Variants in FMN1 observed in about 807,000 individuals in gnomAD.
FMN1 encodes the protein formin 1, also known as formin-1.
A neutral mutation model predicts 132.4 loss-of-function variants in FMN1; 110 were observed. That is an observed-to-expected ratio of 0.83 (90% CI 0.71 to 0.97). The LOEUF (loss-of-function observed/expected upper bound fraction) is 0.97, where lower values mean the gene tolerates loss of function less well. Among genes scored for constraint, FMN1 ranks in the 50% least tolerant of loss-of-function variants. FMN1 has a pLI of 0.00. For missense variants in FMN1, 1,792 were observed against 1,705.3 expected, an observed-to-expected ratio of 1.05 and a Z score of -0.90; for synonymous variants, 722 against 651.7, an observed-to-expected ratio of 1.11 and a Z score of -1.64.
chr15:32,798,790 T>C lies in FMN1; in HGVS notation c.4130+14A>G. 6.2e-7 allele frequency: 1 copy of C among 1,605,552 alleles called. No homozygotes were observed. Among genetic ancestry groups the C allele is most frequent in the Non-Finnish European group, 8.5e-7 (1 of 1,175,774 alleles). ...CTCCTGAAGGAGGCATTAAAATCTT[T>C]TTTTGAACCTTACCTTTCTTTAGAT... On this transcript the variant is annotated intron_variant, in intron 19 of 20. Coordinates refer to ENST00000616417, the MANE Select transcript of FMN1 (RefSeq NM_001277313.2).
chr15:33,088,464 T>C (rs2038785219), intron 5 of FMN1, among the ~76,000 whole-genome samples: 1 of 152,174 alleles, frequency 6.6e-6, no homozygotes, highest in Non-Finnish European at 1.5e-5. Context: ...TATTGACAAA[T>C]TTTTAGTAAA....
At chr15:33,077,884 A>G (rs2038284832) in intron 5 of FMN1, among the ~76,000 whole-genome samples, 1 of 152,222 alleles carries the variant, frequency 6.6e-6, no homozygotes, top group Non-Finnish European at 1.5e-5. Flanking sequence ...GACACATGAA[A>G]AAATGCTCAT....
At chr15:33,043,180 C>CA (rs1370083551) in intron 6 of FMN1, among the ~76,000 whole-genome samples, 37 of 152,282 alleles carry the variant, frequency 2.4e-4, no homozygotes, top group African/African-American at 7.5e-4. Context: ...CCATGGTGCC[C>CA]AATCACAGGA....
chr15:33,052,307 A>C (rs2141182489), intron 6 of FMN1, among the ~76,000 whole-genome samples: 1 of 152,332 alleles, frequency 6.6e-6, no homozygotes, highest in South Asian at 2.1e-4. Context: ...GCCACTAAAA[A>C]TGGTTACTAG....
rs540210767 is a variant in FMN1, at chr15:32,804,668, ACCC to A, written c.3929-339_3929-337del. 7.1e-3 allele frequency among the ~76,000 whole-genome samples: 207 copies of A among 29,164 alleles called. 4 individuals are homozygous for A. In the East Asian group the frequency reaches 0.15, roughly 21 times the overall value. 19.1% of individuals were successfully genotyped at this position (29,164 alleles called of 152,430 possible). On this transcript the variant is annotated intron_variant, in intron 17 of 20. Coordinates refer to ENST00000616417, the MANE Select transcript of FMN1 (RefSeq NM_001277313.2). Reference sequence around the variant, plus strand: ...AATACTATCCCTCCCCCAGCCCCCCACCCCCCAACAGGCCCCAGTGTGTGATGT... The same window carrying A: ...AATACTATCCCTCCCCCAGCCCCCCACCCAACAGGCCCCAGTGTGTGATGT...
In FMN1 at chr15:33,151,894, T is replaced by C. The variant is rs570112058; in HGVS notation, c.1867+1154A>G. 5.3e-5 allele frequency among the ~76,000 whole-genome samples: 8 copies of C among 152,320 alleles called. No homozygotes were observed. In the South Asian group the frequency reaches 1.7e-3, roughly 32 times the overall value. The stretch of plus-strand genomic sequence containing the variant: ...ACAAGATTTATTGCAAAAAACAAGA[T>C]GAAAAGCATTTACCACATTTTTAAA... On this transcript the variant is annotated intron_variant, in intron 4 of 20. Coordinates refer to ENST00000616417, the MANE Select transcript of FMN1 (RefSeq NM_001277313.2).
At chr15:32,919,098 G>A (rs770961206) in intron 10 of FMN1, among the ~76,000 whole-genome samples, 7 of 152,178 alleles carry the variant, frequency 4.6e-5, no homozygotes, top group Non-Finnish European at 8.8e-5. Context: ...CACTTTTGGT[G>A]GATAAACTCT....
At chr15:33,044,505 C>A (rs2036586419) in intron 6 of FMN1, among the ~76,000 whole-genome samples, 1 of 152,222 alleles carries the variant, frequency 6.6e-6, no homozygotes, top group Non-Finnish European at 1.5e-5. Context: ...GGACAACCAT[C>A]TGTGGAGAGA....
chr15:32,859,309 C>T lies in FMN1; in HGVS notation c.3836-2202G>A, dbSNP rs534708308. On this transcript the variant is annotated intron_variant, in intron 16 of 20. Transcript: ENST00000616417. Reference sequence around the variant, plus strand: ...CACAAATTCAACTAAATTCAAACTTCGGGGACTTGGATTATTTAAGGCCTT... The same window carrying T: ...CACAAATTCAACTAAATTCAAACTTTGGGGACTTGGATTATTTAAGGCCTT... Among the ~76,000 whole-genome samples the T allele has an allele frequency of 7.2e-5, 11 of 152,260 alleles. No individual in the cohort carries two copies. The South Asian group carries it at 1.7e-3, about 23-fold the overall frequency.
intron 16 of FMN1, among the ~76,000 whole-genome samples, chr15:32,869,446 A>G (rs535491594): frequency 6.6e-6 from 1 of 152,316 alleles, no homozygotes; most frequent in Non-Finnish European, 1.5e-5. Flanking sequence ...GGGAGTCATG[A>G]GCAAGCTCGA....
intron 18 of FMN1, among the ~76,000 whole-genome samples, chr15:32,801,538 G>A (rs2057479554): frequency 6.6e-6 from 1 of 152,118 alleles, no homozygotes; most frequent in East Asian, 1.9e-4. Flanking sequence ...AGGCCGAGGC[G>A]GGTGCATCAC....
chr15:32,804,899 C>A (rs1403593294), intron 17 of FMN1, among the ~76,000 whole-genome samples: 1 of 152,162 alleles, frequency 6.6e-6, no homozygotes, highest in Non-Finnish European at 1.5e-5. Flanking sequence ...TTTTCTTAAT[C>A]CAGTCTCTCA....
chr15:32,857,242 G>A, intron 16 of FMN1, 135 bp from the exon 17 acceptor site: 2 of 676,316 alleles, frequency 3.0e-6, no homozygotes, highest in Non-Finnish European at 2.6e-6. Flanking sequence ...CAAATTCCAG[G>A]ATTGGGGGGC....
intron 7 of FMN1, among the ~76,000 whole-genome samples, chr15:32,999,696 G>T (rs1193181753): frequency 1.3e-5 from 2 of 152,140 alleles, no homozygotes; most frequent in Non-Finnish European, 2.9e-5. Context: ...GTCACTATTG[G>T]CTGGTTCTTT....
At chr15:33,013,870 T>C (rs1277349821) in intron 6 of FMN1, among the ~76,000 whole-genome samples, 1 of 152,228 alleles carries the variant, frequency 6.6e-6, no homozygotes, top group Non-Finnish European at 1.5e-5. Context: ...ACATTCTAAA[T>C]AGAAATTATA....
At chr15:33,005,876 T>C (rs150319312) in intron 7 of FMN1, among the ~76,000 whole-genome samples, 71 of 152,304 alleles carry the variant, frequency 4.7e-4, no homozygotes, top group African/African-American at 1.7e-3. Flanking sequence ...TCTCCCTTTG[T>C]AACAAGGGAG....
chr15:33,030,086 A>C (rs1483631030), intron 6 of FMN1, among the ~76,000 whole-genome samples: 3 of 152,174 alleles, frequency 2.0e-5, no homozygotes, highest in African/African-American at 7.2e-5. Flanking sequence ...TGAACCCGGG[A>C]GGCAAAGCTT....
chr15:33,068,751 G>T (rs749679065), intron 5 of FMN1, among the ~76,000 whole-genome samples: 6 of 152,092 alleles, frequency 3.9e-5, no homozygotes, highest in African/African-American at 7.2e-5. Context: ...TTTTAGCTCT[G>T]CCCTAGCTGT....
chr15:33,019,212 G>A (rs918544730), intron 6 of FMN1, among the ~76,000 whole-genome samples: 2 of 152,132 alleles, frequency 1.3e-5, no homozygotes, highest in Non-Finnish European at 2.9e-5. Flanking sequence ...CCCTGAGCTA[G>A]ACACAAAAGT....
Sources: gnomAD v4.1 joint callset for allele counts (sites outside exome capture counted in the v4.1 genomes callset) on GRCh38, gnomAD v4.1.1 for gene constraint, MANE v1.5 for transcripts, NCBI Gene and HGNC (gene_info 2026-07-23, HGNC 2026-07-21) for gene names.